Variants in THADA observed in about 807,000 individuals in gnomAD.
THADA encodes the protein THADA armadillo repeat containing.
Under a neutral mutation model 219.8 loss-of-function variants are expected in THADA, and 213 were observed. That is an observed-to-expected ratio of 0.97 (90% CI 0.87 to 1.09). THADA has a LOEUF of 1.09. Ranked by LOEUF, THADA falls within the 50% of genes least tolerant of loss-of-function variation. THADA has a pLI of 0.00. For missense variants in THADA, 2,956 were observed against 2,311.3 expected (o/e 1.28, Z -5.72); for synonymous variants, 1,018 against 828.9 (o/e 1.23, Z -3.92).
intron 20 of THADA, among the ~76,000 whole-genome samples, chr2:43,542,576 G>C (rs547565878): frequency 9.8e-5 from 15 of 152,348 alleles, no homozygotes; most frequent in Middle Eastern, 6.8e-3. Flanking sequence ...CAAACAAGAT[G>C]TAAGAACTCG....
At chr2:43,515,127 T>TAAA (rs1349464080) in intron 22 of THADA, among the ~76,000 whole-genome samples, 1 of 6,062 alleles carries the variant, frequency 1.6e-4, no homozygotes, top group Admixed American at 3.0e-3. Context: ...ATAATATATT[T>TAAA]TATATATAAT....
chr2:43,310,997 T>C (rs1369748237), intron 31 of THADA, among the ~76,000 whole-genome samples: 1 of 152,110 alleles, frequency 6.6e-6, no homozygotes, highest in Non-Finnish European at 1.5e-5. Context: ...GTTAACATGG[T>C]GAACTCCTGT....
rs1693866102 is a variant in THADA, at chr2:43,531,497, A to C, written c.3265-3509T>G. ...CTACAAGGAAGAGAAGAATCCGATTACAAATGACTAGTGGGCTTGGCAGTG... is the reference window on the plus strand; with the variant it reads ...CTACAAGGAAGAGAAGAATCCGATTCCAAATGACTAGTGGGCTTGGCAGTG... On this transcript the variant is annotated intron_variant, in intron 21 of 37. Coordinates refer to ENST00000405975, the MANE Select transcript of THADA (RefSeq NM_022065.5). Among the ~76,000 whole-genome samples, 4 of 152,250 alleles carry C rather than the reference A, an allele frequency of 2.6e-5. No homozygotes were observed. The South Asian group carries it at 8.3e-4, about 31-fold the overall frequency.
intron 28 of THADA, among the ~76,000 whole-genome samples, chr2:43,419,273 T>C (rs1251468570): frequency 1.3e-5 from 2 of 152,122 alleles, no homozygotes; most frequent in South Asian, 2.1e-4. Flanking sequence ...AAGAAGAGAA[T>C]GTCTATAACT....
In THADA at chr2:43,551,894, C is replaced by G; in HGVS notation, c.2842G>C (p.Val948Leu). The G allele has an allele frequency of 1.2e-6, 2 of 1,613,862 alleles. No individual in the cohort carries two copies. Among genetic ancestry groups the G allele is most frequent in the Admixed American group, 3.3e-5 (2 of 59,986 alleles). The change falls in exon 19 of 38, where the codon GTG (valine) becomes CTG (leucine). Residue 948 changes from valine (V) to leucine (L), a missense_variant. By Grantham distance (32) the Val-to-Leu change is conservative. Transcript: ENST00000405975. ...SLQLVSEWRPVVEKLLLMSYR... is the reference protein window; with the variant it reads ...SLQLVSEWRPLVEKLLLMSYR... Reference sequence around the variant, plus strand: ...GACATCAAAAGGAGCTTCTCTACCACAGGTCTCCACTCGCTCACCAACTGC... The same window carrying G: ...GACATCAAAAGGAGCTTCTCTACCAGAGGTCTCCACTCGCTCACCAACTGC...
chr2:43,278,494 A>T (rs1672980040), intron 36 of THADA, among the ~76,000 whole-genome samples: 2 of 152,224 alleles, frequency 1.3e-5, no homozygotes, highest in African/African-American at 4.8e-5. Flanking sequence ...AATTGGAAAA[A>T]TGAATAAATT....
Position 43,549,206 on chromosome 2 carries a change from T to G in THADA, c.3106+4A>C, listed in dbSNP as rs1696454413. ...AATTACAGTATCCATTTTATACAAG[T>G]TACCTTTGATTTCTGTAGAAGTATC... On this transcript the variant is annotated splice_donor_region_variant and intron_variant, in intron 20 of 37. Coordinates refer to ENST00000405975, the MANE Select transcript of THADA (RefSeq NM_022065.5). The G allele has an allele frequency of 6.4e-7, 1 of 1,559,116 alleles. No homozygotes were observed.
chr2:43,585,377 G>C (rs1283710324), intron 7 of THADA, among the ~76,000 whole-genome samples: 1 of 149,748 alleles, frequency 6.7e-6, no homozygotes, highest in Non-Finnish European at 1.5e-5. Flanking sequence ...AATTAGCCAA[G>C]CATGGTGGCG....
At chr2:43,401,271 T>C (rs950125793) in intron 28 of THADA, among the ~76,000 whole-genome samples, 4 of 152,198 alleles carry the variant, frequency 2.6e-5, no homozygotes, top group African/African-American at 2.4e-5. Flanking sequence ...CTGTGTGACA[T>C]GAGACATGAC....
At chr2:43,520,332 A>C (rs988129001) in intron 22 of THADA, among the ~76,000 whole-genome samples, 1 of 152,228 alleles carries the variant, frequency 6.6e-6, no homozygotes, top group African/African-American at 2.4e-5. Context: ...GTAAAATTGC[A>C]ACCTTCTTAA....
At position 43,239,240 on chromosome 2, in the gene THADA, C is replaced by T. The variant is rs375911245; in HGVS notation, c.5297-6358G>A. 4.6e-5 allele frequency among the ~76,000 whole-genome samples: 7 copies of T among 152,334 alleles called. No individual in the cohort carries two copies. In the South Asian group the frequency reaches 1.2e-3, roughly 27 times the overall value. On this transcript the variant is annotated intron_variant, in intron 36 of 37. Coordinates refer to ENST00000405975, the MANE Select transcript of THADA (RefSeq NM_022065.5). ...CTGCTGCAGTATAGCCTTCATCTTG[C>T]TACTGCCCCAGCCACATCAGGGCTC...
intron 36 of THADA, among the ~76,000 whole-genome samples, chr2:43,236,185 G>C (rs1319918711): frequency 6.6e-6 from 1 of 152,332 alleles, no homozygotes; most frequent in Non-Finnish European, 1.5e-5. Flanking sequence ...AAAGGGAAGA[G>C]CTGGTGTGAT....
chr2:43,353,775 C>A (rs993257629), intron 29 of THADA, among the ~76,000 whole-genome samples: 25 of 151,930 alleles, frequency 1.6e-4, no homozygotes, highest in African/African-American at 4.6e-4. Context: ...ACTGCCTCAG[C>A]CTCCCAAGTA....
At chr2:43,591,045 G>C in intron 3 of THADA, 91 bp from the exon 4 acceptor site, 2 of 1,250,572 alleles carry the variant, frequency 1.6e-6, no homozygotes, top group South Asian at 2.9e-5. Flanking sequence ...CAATTGCTGG[G>C]TACAGTGGCT....
chr2:43,296,829 A>G (rs1675446864), intron 31 of THADA, among the ~76,000 whole-genome samples: 1 of 151,882 alleles, frequency 6.6e-6, no homozygotes, highest in African/African-American at 2.4e-5. Context: ...TGCTCTTAAA[A>G]TTGTAATTAA....
At chr2:43,537,132 G>A (rs1176240325) in intron 21 of THADA, among the ~76,000 whole-genome samples, 1 of 152,140 alleles carries the variant, frequency 6.6e-6, no homozygotes, top group Non-Finnish European at 1.5e-5. Context: ...TAACTTTTGG[G>A]ATTTCTTCAA....
chr2:43,241,053 T>G (rs1198978536), intron 36 of THADA, among the ~76,000 whole-genome samples: 1 of 152,072 alleles, frequency 6.6e-6, no homozygotes, highest in Non-Finnish European at 1.5e-5. Context: ...TGGGGGGAAT[T>G]CAGACTTCAC....
At chr2:43,400,492 G>GA (rs1266198159) in intron 28 of THADA, among the ~76,000 whole-genome samples, 2 of 93,312 alleles carry the variant, frequency 2.1e-5, no homozygotes, top group South Asian at 3.4e-4. Context: ...TATACACTAA[G>GA]AAAAAAAATT....
At position 43,554,027 on chromosome 2, in the gene THADA, C is replaced by G. The variant is rs375938825; in HGVS notation, c.2675-1688G>C. On this transcript the variant is annotated intron_variant, in intron 17 of 37. Coordinates refer to ENST00000405975, the MANE Select transcript of THADA (RefSeq NM_022065.5). The stretch of plus-strand genomic sequence containing the variant: ...TATATACTAGACAAAAGTCCCTTAT[C>G]AGACATAGGATTTGCAAATACCCCA... Among the ~76,000 whole-genome samples, 12 of 152,278 alleles carry G rather than the reference C, an allele frequency of 7.9e-5. No homozygotes were observed. The East Asian group carries it at 1.7e-3, about 22-fold the overall frequency.
Sources: allele counts gnomAD v4.1 joint callset (sites outside exome capture counted in the v4.1 genomes callset), GRCh38; gene constraint gnomAD v4.1.1; transcripts MANE v1.5; gene names NCBI Gene and HGNC (gene_info 2026-07-23, HGNC 2026-07-21).